Variants in LENG8 observed in about 807,000 individuals in gnomAD.
The protein encoded by LENG8 is leukocyte receptor cluster member 8, also known as leukocyte receptor cluster (LRC) member 8.
LENG8 carries 28 observed loss-of-function variants against 102.1 expected under a neutral mutation model. The ratio of observed to expected loss-of-function variants is 0.27; its 90% CI spans 0.20 to 0.38. The LOEUF (loss-of-function observed/expected upper bound fraction) is 0.38. Among genes scored for constraint, LENG8 ranks in the 10% least tolerant of loss-of-function variants. LENG8 has a pLI of 1.00. For synonymous variants in LENG8, 531 were observed against 456.7 expected (o/e 1.16, Z -2.07); for missense variants, 1,022 against 1,113.9 (o/e 0.92, Z 1.17).
chr19:54,454,842 T>C, intron 6 of LENG8, 109 bp from the exon 7 acceptor site: 1 of 1,482,750 alleles, frequency 6.7e-7, no homozygotes, highest in South Asian at 1.2e-5. Flanking sequence ...GCTGGAGCCC[T>C]CCTCTAGAAC....
At chr19:54,454,783 T>C in intron 6 of LENG8, 101 bp downstream of exon 6, 3 of 1,449,684 alleles carry the variant, frequency 2.1e-6, no homozygotes, top group South Asian at 2.7e-5. Context: ...TTCTGGGTGT[T>C]GTGATCGCCA....
At chr19:54,459,306 C>G (rs1048405700) in intron 15 of LENG8, 4 of 1,009,826 alleles carry the variant, frequency 4.0e-6, no homozygotes, top group African/African-American at 1.7e-5. Flanking sequence ...AAATTCTGGT[C>G]GAAGAGGTTG....
intron 5 of LENG8, 108 bp downstream of exon 5, chr19:54,453,764 T>G: frequency 1.3e-6 from 1 of 762,042 alleles, no homozygotes; most frequent in Non-Finnish European, 2.1e-6. Context: ...GCTTTTTTCC[T>G]TCCAAGCAAC....
intron 3 of LENG8, 107 bp downstream of exon 3, chr19:54,452,374 TG>T: frequency 9.7e-7 from 1 of 1,035,328 alleles, no homozygotes; most frequent in South Asian, 1.6e-5. Flanking sequence ...AGGGGAAACA[TG>T]AAAAGACGTT....
chr19:54,454,347 C>G lies in LENG8; in HGVS notation c.427-83C>G, dbSNP rs896126901. On this transcript the variant is annotated intron_variant, in intron 5 of 15. Coordinates refer to ENST00000326764, the MANE Select transcript of LENG8 (RefSeq NM_052925.4). Reference sequence around the variant, plus strand: ...GGTTGAGTGCTGAGTGCTGTGACCACTGCGTCCTCACAGCGAGGGCTGAGT... The same window carrying G: ...GGTTGAGTGCTGAGTGCTGTGACCAGTGCGTCCTCACAGCGAGGGCTGAGT... 1.3e-5 allele frequency: 19 copies of G among 1,414,648 alleles called. No homozygotes were observed. The African/African-American group carries it at 2.6e-4, about 19-fold the overall frequency. 87.6% of individuals were successfully genotyped at this position (1,414,648 alleles called of 1,614,324 possible). A position where few individuals can be genotyped will look rare whatever the true frequency, so the allele number is the denominator to read the frequency against.
Position 54,457,732 on chromosome 19 carries a change from A to C in LENG8, c.1732-15A>C, listed in dbSNP as rs758558995. On this transcript the variant is annotated splice_polypyrimidine_tract_variant and intron_variant, in intron 11 of 15. Coordinates refer to ENST00000326764, the MANE Select transcript of LENG8 (RefSeq NM_052925.4). ...TGAGTTGTACTCCGAGTGTGAATTC[A>C]GTTCCCTTTTTCAGGTTTTGAAAAA... 1 of 1,588,674 alleles carries C rather than the reference A, an allele frequency of 6.3e-7. No individual in the cohort carries two copies. Among genetic ancestry groups the C allele is most frequent in the South Asian group, 1.1e-5 (1 of 90,562 alleles).
intron 8 of LENG8, 149 bp from the exon 9 acceptor site, chr19:54,455,818 C>A: frequency 2.3e-6 from 2 of 877,572 alleles, no homozygotes; most frequent in Non-Finnish European, 3.5e-6. Flanking sequence ...AACCTGGGTT[C>A]GCGTCTCATT....
At position 54,460,934 on chromosome 19, in the gene LENG8, C is replaced by T. The variant is rs2084513744; in HGVS notation, c.*6C>T. 6.5e-7 allele frequency: 1 copy of T among 1,544,592 alleles called. No homozygotes were observed. The highest frequency in any genetic ancestry group is 8.7e-7 in the Non-Finnish European group (1 of 1,147,906). Reference sequence around the variant, plus strand: ...CGCAGCTGTCAGCCTTCTGAGCACCCAGCGAGGAGGGGCGGGGGCAGGGGC... The same window carrying T: ...CGCAGCTGTCAGCCTTCTGAGCACCTAGCGAGGAGGGGCGGGGGCAGGGGC... On this transcript the variant is annotated 3_prime_UTR_variant, in exon 16 of 16. Coordinates refer to ENST00000326764, the MANE Select transcript of LENG8 (RefSeq NM_052925.4).
At chr19:54,453,426 G>A in intron 4 of LENG8, 120 bp from the exon 5 acceptor site, 1 of 685,304 alleles carries the variant, frequency 1.5e-6, no homozygotes. Context: ...CATTAATATA[G>A]TGAAGAGAGA....
At chr19:54,460,589 C>CCG in intron 15 of LENG8, 177 bp from the exon 16 acceptor site, 2 of 1,413,944 alleles carry the variant, frequency 1.4e-6, no homozygotes, top group Non-Finnish European at 1.8e-6. Context: ...TCACTAACCC[C>CCG]CCCCGGGCCC....
chr19:54,458,643 T>C, intron 15 of LENG8, 122 bp downstream of exon 15: 1 of 1,556,718 alleles, frequency 6.4e-7, no homozygotes, highest in Non-Finnish European at 8.7e-7. Flanking sequence ...TGGTCCTTGC[T>C]TCCCCATCAT....
chr19:54,453,035 G>A (rs777754659), intron 4 of LENG8, among the ~76,000 whole-genome samples: 4 of 152,172 alleles, frequency 2.6e-5, no homozygotes, highest in Admixed American at 6.5e-5. Flanking sequence ...CGCCAGGCCC[G>A]CTCTCGCTTT....
chr19:54,450,502 TCA>T (rs775336852), intron 1 of LENG8, among the ~76,000 whole-genome samples: 1 of 152,106 alleles, frequency 6.6e-6, no homozygotes, highest in Admixed American at 6.6e-5. Flanking sequence ...GCCTCCCTTT[TCA>T]CAGAGTTCTC....
chr19:54,453,079 C>T (rs1047774738), intron 4 of LENG8, among the ~76,000 whole-genome samples: 5 of 152,216 alleles, frequency 3.3e-5, no homozygotes, highest in Non-Finnish European at 7.3e-5. Flanking sequence ...GTTGCCGCCT[C>T]TTGGAGGTCT....
At position 54,461,471 on chromosome 19, in the gene LENG8, C is replaced by T. The variant is rs534894399; in HGVS notation, c.*543C>T. On this transcript the variant is annotated 3_prime_UTR_variant, in exon 16 of 16. Coordinates refer to ENST00000326764, the MANE Select transcript of LENG8 (RefSeq NM_052925.4). The stretch of plus-strand genomic sequence containing the variant: ...GCTGCTTAGAGACTGTGCCCGTCCT[C>T]GGCCCCCCACCCTGAAGTGCCAGCA... 5.0e-5 allele frequency: 23 copies of T among 462,196 alleles called. No homozygotes were observed. The highest frequency in any genetic ancestry group is 2.8e-4 in the East Asian group (4 of 14,378). 28.6% of individuals were successfully genotyped at this position (462,196 alleles called of 1,614,324 possible).
chr19:54,460,071 T>C, intron 15 of LENG8: 1 of 1,289,514 alleles, frequency 7.8e-7, no homozygotes, highest in South Asian at 1.2e-5. Flanking sequence ...GACCCTGCCC[T>C]GCCAGCTGAG....
At position 54,461,080 on chromosome 19, in the gene LENG8, G is replaced by T; in HGVS notation, c.*152G>T. On this transcript the variant is annotated 3_prime_UTR_variant, in exon 16 of 16. Coordinates refer to ENST00000326764, the MANE Select transcript of LENG8 (RefSeq NM_052925.4). ...CATCCCTGCCCCCGTTTTCCCACCG[G>T]GGAGTCTGTACAGAGATTTTTCTAC... The T allele has an allele frequency of 8.6e-7, 1 of 1,167,126 alleles. No homozygotes were observed. Among genetic ancestry groups the T allele is most frequent in the South Asian group, 1.4e-5 (1 of 73,594 alleles). The allele number at this position is 1,167,126 out of a possible 1,614,324, so 72.3% of individuals were successfully genotyped here. A position where few individuals can be genotyped will look rare whatever the true frequency, so the allele number is the denominator to read the frequency against.
intron 15 of LENG8, 141 bp downstream of exon 15, chr19:54,458,662 A>G: frequency 3.2e-6 from 5 of 1,551,452 alleles, no homozygotes; most frequent in Non-Finnish European, 4.4e-6. Flanking sequence ...ATCTTTCTCC[A>G]TTCAGCCCTC....
intron 15 of LENG8, chr19:54,460,358 C>T: frequency 8.3e-7 from 1 of 1,209,568 alleles, no homozygotes; most frequent in Non-Finnish European, 1.1e-6. Context: ...GCCTGGCTTC[C>T]CAGACACTGT....
Sources: gnomAD v4.1 joint callset for allele counts (sites outside exome capture counted in the v4.1 genomes callset) on GRCh38, gnomAD v4.1.1 for gene constraint, MANE v1.5 for transcripts, NCBI Gene and HGNC (gene_info 2026-07-23, HGNC 2026-07-21) for gene names.